The following HDAC9 variants were observed in gnomAD, a reference collection of about 807,000 sequenced individuals.
The protein encoded by HDAC9 is histone deacetylase 9.
A neutral mutation model predicts 139.4 loss-of-function variants in HDAC9; 41 were observed. That is an observed-to-expected ratio of 0.29 (90% confidence interval 0.23 to 0.38). The LOEUF is 0.38. Ranked by LOEUF, HDAC9 falls within the 10% of genes least tolerant of loss-of-function variation. HDAC9 has a pLI of 1.00. For synonymous variants in HDAC9, 517 were observed against 476.2 expected, an observed-to-expected ratio of 1.09 and a Z score of -1.12; for missense variants, 1,147 against 1,297.0, an observed-to-expected ratio of 0.88 and a Z score of 1.78.
intron 1 of HDAC9, among the ~76,000 whole-genome samples, chr7:18,106,911 T>G (rs1783249283): frequency 6.6e-6 from 1 of 152,214 alleles, no homozygotes. Flanking sequence ...TTATGTAGAC[T>G]CTTCAGGGCA....
In HDAC9 at chr7:18,648,959, C is replaced by T. The variant is rs10244626; in HGVS notation, c.1467+276C>T. ...ATTTTGGTACACAAGCCCATACGGG[C>T]ATATGTATATGGAGCCTCATTTTTT... is the stretch of plus-strand genomic sequence containing the variant. On this transcript the variant is annotated intron_variant, in intron 11 of 25. Transcript: ENST00000686413. Among the ~76,000 whole-genome samples the T allele has an allele frequency of 5.6e-3, 856 of 152,256 alleles. 13 individuals are homozygous for T. Among genetic ancestry groups the T allele is most frequent in the African/African-American group, 0.02 (823 of 41,552 alleles).
chr7:18,128,696 A>G (rs1784823238), intron 1 of HDAC9, among the ~76,000 whole-genome samples: 1 of 152,124 alleles, frequency 6.6e-6, no homozygotes, highest in Non-Finnish European at 1.5e-5. Context: ...TGTATTCAAA[A>G]AATTGAATGG....
intron 16 of HDAC9, among the ~76,000 whole-genome samples, chr7:18,792,442 G>A (rs1310372355): frequency 6.6e-6 from 1 of 151,474 alleles, no homozygotes. Context: ...ATGTTATGAA[G>A]TATTTTATAT....
At chr7:18,723,282 C>G (rs1273115025) in intron 12 of HDAC9, among the ~76,000 whole-genome samples, 1 of 152,050 alleles carries the variant, frequency 6.6e-6, no homozygotes, top group Non-Finnish European at 1.5e-5. Flanking sequence ...ATTATTAAAG[C>G]CCACTATGTG....
intron 19 of HDAC9, 28 bp downstream of exon 19, chr7:18,829,576 T>G: frequency 7.3e-7 from 1 of 1,375,030 alleles, no homozygotes; most frequent in East Asian, 2.3e-5. Flanking sequence ...GAGCTGCATT[T>G]TCAGTGATTC....
intron 1 of HDAC9, among the ~76,000 whole-genome samples, chr7:18,144,476 C>T (rs1786148701): frequency 6.6e-6 from 1 of 152,188 alleles, no homozygotes; most frequent in African/African-American, 2.4e-5. Context: ...GGTTCAACCC[C>T]ACTCCTATTA....
chr7:18,136,142 A>G (rs1349786838), intron 1 of HDAC9, among the ~76,000 whole-genome samples: 2 of 148,732 alleles, frequency 1.3e-5, no homozygotes, highest in Non-Finnish European at 3.0e-5. Context: ...CCACTTTTTG[A>G]TGGGGTTGTT....
At chr7:18,766,762 A>C (rs1044417257) in intron 15 of HDAC9, among the ~76,000 whole-genome samples, 2 of 152,312 alleles carry the variant, frequency 1.3e-5, no homozygotes, top group East Asian at 1.9e-4. Context: ...GAATTGGTTA[A>C]ATTTTAAAAA....
At chr7:18,683,953 T>G (rs774184029) in intron 12 of HDAC9, among the ~76,000 whole-genome samples, 4 of 151,954 alleles carry the variant, frequency 2.6e-5, no homozygotes, top group Non-Finnish European at 5.9e-5. Context: ...TCTTACTTTT[T>G]AAAATCAAAA....
At chr7:18,651,804 T>C (rs1789364426) in intron 11 of HDAC9, among the ~76,000 whole-genome samples, 2 of 152,138 alleles carry the variant, frequency 1.3e-5, no homozygotes, top group African/African-American at 2.4e-5. Flanking sequence ...ATTATTTGCC[T>C]CTTACAGTTA....
At chr7:18,973,034 G>A (rs1297714882) in intron 24 of HDAC9, among the ~76,000 whole-genome samples, 1 of 152,208 alleles carries the variant, frequency 6.6e-6, no homozygotes, top group African/African-American at 2.4e-5. Context: ...GGACAGCAGA[G>A]TGCAGAGGAA....
chr7:18,902,633 A>T (rs1483200310), intron 22 of HDAC9, among the ~76,000 whole-genome samples: 1 of 152,172 alleles, frequency 6.6e-6, no homozygotes, highest in Non-Finnish European at 1.5e-5. Flanking sequence ...GGCAGGGGGA[A>T]ATGATTGAAT....
At chr7:18,732,351 T>G (rs1019520758) in intron 13 of HDAC9, among the ~76,000 whole-genome samples, 1 of 152,120 alleles carries the variant, frequency 6.6e-6, no homozygotes, top group South Asian at 2.1e-4. Flanking sequence ...CAATCAATAC[T>G]TTTTACTCTA....
intron 14 of HDAC9, among the ~76,000 whole-genome samples, chr7:18,759,350 A>G (rs1427049234): frequency 6.6e-6 from 1 of 152,082 alleles, no homozygotes; most frequent in African/African-American, 2.4e-5. Context: ...TGTTGCTTGC[A>G]TTACCGTCTG....
intron 2 of HDAC9, among the ~76,000 whole-genome samples, chr7:18,247,239 G>A (rs1199215937): frequency 6.6e-6 from 1 of 152,060 alleles, no homozygotes; most frequent in African/African-American, 2.4e-5. Context: ...TTAAAGCTAT[G>A]AGAATGGGGG....
At chr7:18,699,703 A>G (rs1783319820) in intron 12 of HDAC9, among the ~76,000 whole-genome samples, 1 of 152,032 alleles carries the variant, frequency 6.6e-6, no homozygotes, top group African/African-American at 2.4e-5. Context: ...GCTCTTAGAA[A>G]TCTACTTTAT....
At chr7:18,547,272 G>C (rs1401605302) in intron 2 of HDAC9, among the ~76,000 whole-genome samples, 1 of 152,112 alleles carries the variant, frequency 6.6e-6, no homozygotes, top group African/African-American at 2.4e-5. Context: ...GTCTCGCTCT[G>C]TTGCCCAGGC....
chr7:18,349,306 CTACACACA>C (rs1782666594), intron 1 of HDAC9, among the ~76,000 whole-genome samples: 1 of 81,850 alleles, frequency 1.2e-5, no homozygotes, highest in Admixed American at 1.5e-4. Context: ...TTGAGAACAT[CTACACACA>C]CACACACACA....
intron 13 of HDAC9, among the ~76,000 whole-genome samples, chr7:18,733,583 A>G (rs1272172359): frequency 6.6e-6 from 1 of 151,722 alleles, no homozygotes; most frequent in South Asian, 2.1e-4. Flanking sequence ...TTGATCACAT[A>G]TATCATGTAT....
Sources: allele counts gnomAD v4.1 joint callset (sites outside exome capture counted in the v4.1 genomes callset), GRCh38; gene constraint gnomAD v4.1.1; transcripts MANE v1.5; gene names NCBI Gene and HGNC (gene_info 2026-07-23, HGNC 2026-07-21).